The following DOCK2 variants were observed in gnomAD, a reference collection of about 807,000 sequenced individuals.
DOCK2 encodes the protein dedicator of cytokinesis protein 2.
DOCK2 carries 87 observed loss-of-function variants against 248.9 expected under a neutral mutation model. That is an observed-to-expected ratio of 0.35 (90% CI 0.29 to 0.42). The LOEUF (loss-of-function observed/expected upper bound fraction) is 0.42, where lower values mean the gene tolerates loss of function less well. Among genes scored for constraint, DOCK2 ranks in the 10% least tolerant of loss-of-function variants. The pLI is 1.00. For synonymous variants in DOCK2, 805 were observed against 821.6 expected, an observed-to-expected ratio of 0.98 and a Z score of 0.35; for missense variants, 1,747 against 2,300.2, an observed-to-expected ratio of 0.76 and a Z score of 4.92.
chr5:169,666,340 A>T (rs1180527793), intron 2 of DOCK2, among the ~76,000 whole-genome samples: 1 of 152,160 alleles, frequency 6.6e-6, no homozygotes, highest in East Asian at 1.9e-4. Flanking sequence ...GAATTTTGGG[A>T]GGACACATTC....
At chr5:169,911,891 T>C (rs1385359562) in intron 27 of DOCK2, among the ~76,000 whole-genome samples, 1 of 152,238 alleles carries the variant, frequency 6.6e-6, no homozygotes, top group Non-Finnish European at 1.5e-5. Context: ...TGCCCCACTG[T>C]CATCTTCACT....
chr5:169,939,948 A>G (rs970850213), intron 27 of DOCK2, among the ~76,000 whole-genome samples: 1 of 152,170 alleles, frequency 6.6e-6, no homozygotes, highest in African/African-American at 2.4e-5. Flanking sequence ...TGAGTGTTTA[A>G]GTGTCTTGCT....
chr5:169,831,443 G>C (rs1158562203), intron 26 of DOCK2, among the ~76,000 whole-genome samples: 2 of 152,172 alleles, frequency 1.3e-5, no homozygotes, highest in Non-Finnish European at 2.9e-5. Flanking sequence ...ACAACTGTTT[G>C]TCTTATGATG....
At chr5:169,711,162 C>T (rs948536551) in intron 15 of DOCK2, among the ~76,000 whole-genome samples, 1 of 152,204 alleles carries the variant, frequency 6.6e-6, no homozygotes, top group Non-Finnish European at 1.5e-5. Flanking sequence ...TTTGTTTTGG[C>T]GTTTAATAGG....
chr5:169,929,741 CA>C (rs1211612989), intron 27 of DOCK2, among the ~76,000 whole-genome samples: 4,560 of 62,938 alleles, frequency 0.072, 85 homozygotes, highest in African/African-American at 0.16. Context: ...GACCCTGTCT[CA>C]AAAAAAAAAA....
rs572305119 is a variant in DOCK2, at chr5:169,645,663, C to T, written c.43+8294C>T. 7.5e-4 allele frequency among the ~76,000 whole-genome samples: 114 copies of T among 152,268 alleles called. No individual in the cohort carries two copies. In the South Asian group the frequency reaches 9.1e-3, roughly 12 times the overall value. On this transcript the variant is annotated intron_variant, in intron 1 of 51. Coordinates refer to ENST00000520908, the MANE Select transcript of DOCK2 (RefSeq NM_004946.3). ...TTAATTTTGGTTTTTGCTGCAATTG[C>T]TTTTGGTGTTTTTGTCATGAAGTCT...
Position 169,693,093 on chromosome 5 carries a change from G to C in DOCK2, c.844-2710G>C, listed in dbSNP as rs1014506697. Among the ~76,000 whole-genome samples, 70 of 152,176 alleles carry C rather than the reference G, an allele frequency of 4.6e-4. 3 individuals are homozygous for C. The highest frequency in any genetic ancestry group is 1.6e-3 in the African/African-American group (68 of 41,526). ...ACCAGGGCCTCTGTCGCTCTGAAAG[G>C]CACCAATCTAAGTATTTCAAAAATA... On this transcript the variant is annotated intron_variant, in intron 9 of 51. Coordinates refer to ENST00000520908, the MANE Select transcript of DOCK2 (RefSeq NM_004946.3).
chr5:170,019,505 C>T (rs76159464), intron 33 of DOCK2, among the ~76,000 whole-genome samples: 8,851 of 152,114 alleles, frequency 0.058, 621 homozygotes, highest in African/African-American at 0.17. Flanking sequence ...TAGAAAACGC[C>T]GGCCCTGCTG....
At chr5:170,024,739 T>C (rs10044453) in intron 33 of DOCK2, among the ~76,000 whole-genome samples, 78,819 of 151,984 alleles carry the variant, frequency 0.52, 22,092 homozygotes, top group African/African-American at 0.74. Flanking sequence ...TCAAACCAAG[T>C]CTATTCAATG....
chr5:169,911,102 C>G (rs1774570277), intron 27 of DOCK2, among the ~76,000 whole-genome samples: 1 of 152,076 alleles, frequency 6.6e-6, no homozygotes, highest in Non-Finnish European at 1.5e-5. Context: ...GACATCAGTT[C>G]TTTTCTAGGT....
intron 49 of DOCK2, 186 bp from the exon 50 acceptor site, chr5:170,079,977 T>G (rs560537748): frequency 3.2e-4 from 302 of 940,052 alleles, no homozygotes; most frequent in Non-Finnish European, 3.7e-4. Context: ...TTGTGTAGTG[T>G]GCAACCTGTG....
intron 25 of DOCK2, among the ~76,000 whole-genome samples, chr5:169,794,837 G>A (rs995517150): frequency 2.0e-5 from 3 of 152,202 alleles, no homozygotes; most frequent in African/African-American, 7.2e-5. Flanking sequence ...GCAGCAGAAT[G>A]GCATGAACCT....
intron 20 of DOCK2, 42 bp downstream of exon 20, chr5:169,716,344 A>G (rs750244359): frequency 6.3e-7 from 1 of 1,590,598 alleles, no homozygotes; most frequent in Admixed American, 1.7e-5. Context: ...ACAGGCATTA[A>G]TGTATGTCTT....
At chr5:169,849,648 TAGAAAG>T (rs1458190532) in intron 27 of DOCK2, among the ~76,000 whole-genome samples, 7 of 152,224 alleles carry the variant, frequency 4.6e-5, no homozygotes, top group African/African-American at 1.4e-4. Flanking sequence ...ACTCTAAACT[TAGAAAG>T]AGAACTTTTT....
intron 7 of DOCK2, among the ~76,000 whole-genome samples, chr5:169,683,482 C>T (rs1759779865): frequency 6.6e-6 from 1 of 152,154 alleles, no homozygotes; most frequent in African/African-American, 2.4e-5. Context: ...CAGCCCATCT[C>T]AGCCTTCCAA....
At position 169,803,221 on chromosome 5, in the gene DOCK2, T is replaced by A. The variant is rs369207210; in HGVS notation, c.2703+15T>A. 6 of 1,611,042 alleles carry A rather than the reference T, an allele frequency of 3.7e-6. No homozygotes were observed. In the South Asian group the frequency reaches 6.6e-5, roughly 18 times the overall value. Reference sequence around the variant, plus strand: ...ACCAGGATGCGGTGAGTCCTCCTGATGATGTAGATATCCTGGACTCAGACT... The same window carrying A: ...ACCAGGATGCGGTGAGTCCTCCTGAAGATGTAGATATCCTGGACTCAGACT... On this transcript the variant is annotated intron_variant, in intron 26 of 51. Coordinates refer to ENST00000520908, the MANE Select transcript of DOCK2 (RefSeq NM_004946.3).
intron 7 of DOCK2, among the ~76,000 whole-genome samples, 160 bp from the exon 8 acceptor site, chr5:169,684,036 A>G (rs568645460): frequency 1.7e-4 from 26 of 152,240 alleles, no homozygotes; most frequent in Non-Finnish European, 3.1e-4. Context: ...AAGAGAGTCA[A>G]AGCGAATTGA....
At chr5:169,931,968 G>A (rs906006883) in intron 27 of DOCK2, among the ~76,000 whole-genome samples, 1 of 152,192 alleles carries the variant, frequency 6.6e-6, no homozygotes, top group African/African-American at 2.4e-5. Context: ...GGAGCCTGCT[G>A]CCTGCCAGGA....
chr5:170,082,673 C>A (rs1048076245), intron 51 of DOCK2, 123 bp from the exon 52 acceptor site: 19 of 1,238,050 alleles, frequency 1.5e-5, no homozygotes, highest in Non-Finnish European at 2.0e-5. Context: ...TAGCAGCTCA[C>A]ATTCACTGGG....
Sources: allele counts gnomAD v4.1 joint callset (sites outside exome capture counted in the v4.1 genomes callset), GRCh38; gene constraint gnomAD v4.1.1; transcripts MANE v1.5; gene names NCBI Gene and HGNC (gene_info 2026-07-23, HGNC 2026-07-21).